DCT: variants seen among roughly 807,000 people sequenced by gnomAD.
DCT encodes L-dopachrome tautomerase.
Under a neutral mutation model 53.0 loss-of-function variants are expected in DCT, and 47 were observed. The ratio of observed to expected loss-of-function variants is 0.89; its 90% CI spans 0.70 to 1.13. The LOEUF (loss-of-function observed/expected upper bound fraction) is 1.13, where lower values mean the gene tolerates loss of function less well. DCT is among the 50% of genes most tolerant of loss of function. The pLI is 0.00. For synonymous variants in DCT, 244 were observed against 237.0 expected (o/e 1.03, Z -0.27); for missense variants, 669 against 637.4 (o/e 1.05, Z -0.53).
At chr13:94,518,342 A>G in the DCT span, among the ~76,000 whole-genome samples, 4 of 152,214 alleles carry the variant, frequency 2.6e-5, no homozygotes, top group Admixed American at 1.3e-4. Context: ...GTTCTAGACT[A>G]TATGTATATC....
At chr13:94,470,863 C>A (rs1188426904) in intron 1 of DCT, among the ~76,000 whole-genome samples, 1 of 152,220 alleles carries the variant, frequency 6.6e-6, no homozygotes, top group East Asian at 1.9e-4. Flanking sequence ...AACATTACTA[C>A]ACTTGTTTCA....
intron 6 of DCT, among the ~76,000 whole-genome samples, chr13:94,457,871 A>G (rs1883512474): frequency 6.6e-6 from 1 of 152,170 alleles, no homozygotes; most frequent in East Asian, 1.9e-4. Flanking sequence ...AGTGACCTGT[A>G]CTTAGAAAAG....
At chr13:94,492,239 G>A in the DCT span, among the ~76,000 whole-genome samples, 1 of 152,182 alleles carries the variant, frequency 6.6e-6, no homozygotes, top group Non-Finnish European at 1.5e-5. Context: ...GAGAAGCAGC[G>A]AGCCTTAAAG....
At chr13:94,447,886 G>C (rs2892681) in intron 6 of DCT, among the ~76,000 whole-genome samples, 53,079 of 152,050 alleles carry the variant, frequency 0.35, 10,159 homozygotes, top group African/African-American at 0.49. Context: ...AGAGATAAAA[G>C]AATAGGGGAA....
chr13:94,474,882 A>G (rs1033207033), intron 1 of DCT, among the ~76,000 whole-genome samples: 2 of 152,226 alleles, frequency 1.3e-5, no homozygotes, highest in African/African-American at 4.8e-5. Flanking sequence ...ATGATTATGG[A>G]AACTATGAGG....
the DCT span, among the ~76,000 whole-genome samples, chr13:94,515,475 C>T: frequency 0.35 from 52,814 of 151,764 alleles, 9,558 homozygotes; most frequent in East Asian, 0.61. Flanking sequence ...AAAGTAAACA[C>T]CATGGTTAAG....
chr13:94,442,153 G>T (rs138657696), intron 7 of DCT, among the ~76,000 whole-genome samples: 36 of 152,192 alleles, frequency 2.4e-4, no homozygotes, highest in African/African-American at 7.9e-4. Context: ...CTGCCCAAGC[G>T]TCCCACTACA....
the DCT span, among the ~76,000 whole-genome samples, chr13:94,496,445 C>T: frequency 6.6e-6 from 1 of 152,126 alleles, no homozygotes. Flanking sequence ...CTACCCACCT[C>T]GACTTCCCAA....
chr13:94,437,633 T>C lies in DCT; in HGVS notation c.*2265A>G, dbSNP rs999988027. ...TTCTTCCCCCTATCATTGAGAAATA[T>C]AGCCCACAGTATTTGGTGACATTTT... On this transcript the variant is annotated 3_prime_UTR_variant, in exon 8 of 8. Coordinates refer to ENST00000377028, the MANE Select transcript of DCT (RefSeq NM_001922.5). 4 of 152,196 alleles carry C rather than the reference T, an allele frequency of 2.6e-5. No homozygotes were observed. The highest frequency in any genetic ancestry group is 4.4e-5 in the Non-Finnish European group (3 of 68,014). 9.4% of individuals were successfully genotyped at this position (152,196 alleles called of 1,614,324 possible).
intron 6 of DCT, among the ~76,000 whole-genome samples, chr13:94,448,640 C>T (rs923680491): frequency 3.3e-5 from 5 of 152,088 alleles, no homozygotes; most frequent in Non-Finnish European, 5.9e-5. Flanking sequence ...TGGTGGCCCA[C>T]ACCTGTAATC....
upstream of DCT, among the ~76,000 whole-genome samples, chr13:94,480,322 A>T (rs1171152653): frequency 6.6e-6 from 1 of 152,216 alleles, no homozygotes; most frequent in African/African-American, 2.4e-5. Flanking sequence ...GTGAAGCATG[A>T]CTGAGCTTCA....
intron 7 of DCT, among the ~76,000 whole-genome samples, chr13:94,441,547 C>A (rs760185196): frequency 6.6e-6 from 1 of 152,094 alleles, no homozygotes; most frequent in African/African-American, 2.4e-5. Context: ...CCCTGGTAAC[C>A]AGGGGTCTCT....
chr13:94,537,886 A>G, the DCT span, among the ~76,000 whole-genome samples: 1 of 152,200 alleles, frequency 6.6e-6, no homozygotes, highest in Non-Finnish European at 1.5e-5. Context: ...AAGTACAGCC[A>G]AGGATTATGA....
the DCT span, among the ~76,000 whole-genome samples, chr13:94,538,100 G>T: frequency 6.6e-6 from 1 of 152,078 alleles, no homozygotes; most frequent in African/African-American, 2.4e-5. Context: ...TGTGGATAAG[G>T]TATAGGGAGT....
Position 94,443,499 on chromosome 13 carries a change from T to A in DCT, c.1318A>T (p.Thr440Ser). The A allele has an allele frequency of 1.2e-6, 2 of 1,614,052 alleles. No individual in the cohort carries two copies. Among genetic ancestry groups the A allele is most frequent in the Non-Finnish European group, 1.7e-6 (2 of 1,179,928 alleles). ...YNMVPFFPPV[T>S]NEELFLTSDQ... ...GAGGTTAAAAAGAGTTCTTCATTAG[T>A]CACTGGAGGGAAGAAAGGAACCATG... Residue 440 changes from threonine (T) to serine (S), a missense_variant, in exon 7 of 8, where the codon ACT becomes TCT. Coordinates refer to ENST00000377028, the MANE Select transcript of DCT (RefSeq NM_001922.5).
At chr13:94,488,430 G>A in the DCT span, among the ~76,000 whole-genome samples, 6 of 152,054 alleles carry the variant, frequency 3.9e-5, no homozygotes, top group African/African-American at 1.2e-4. Flanking sequence ...AAAATATGTT[G>A]TCTGCCAGGC....
At chr13:94,465,474 T>C in intron 4 of DCT, 159 bp downstream of exon 4, 1 of 495,474 alleles carries the variant, frequency 2.0e-6, no homozygotes, top group Non-Finnish European at 3.3e-6. Context: ...GAGCTTTGAA[T>C]TTTTGAAATC....
the DCT span, among the ~76,000 whole-genome samples, chr13:94,506,089 T>C: frequency 1.3e-5 from 2 of 152,340 alleles, no homozygotes; most frequent in Middle Eastern, 6.8e-3. Context: ...GGGTAATTTG[T>C]TACACAGCAA....
At chr13:94,454,926 T>C (rs1168276919) in intron 6 of DCT, among the ~76,000 whole-genome samples, 1 of 152,194 alleles carries the variant, frequency 6.6e-6, no homozygotes, top group Non-Finnish European at 1.5e-5. Context: ...ATATGTATAT[T>C]ACACATACTA....
Sources: allele counts gnomAD v4.1 joint callset (sites outside exome capture counted in the v4.1 genomes callset), GRCh38; gene constraint gnomAD v4.1.1; transcripts MANE v1.5; gene names NCBI Gene and HGNC (gene_info 2026-07-23, HGNC 2026-07-21).